Variants in DMD observed in about 807,000 individuals in gnomAD.
DMD encodes the protein mutant dystrophin.
Under a neutral mutation model 330.1 loss-of-function variants are expected in DMD, and 63 were observed. The observed-to-expected ratio is 0.19, with a 90% confidence interval of 0.16 to 0.24. DMD has a LOEUF of 0.24. DMD is among the 10% of genes least tolerant of loss of function. The pLI is 1.00. For missense variants in DMD, 3,344 were observed against 2,684.1 expected, an observed-to-expected ratio of 1.25 and a Z score of -5.43; for synonymous variants, 1,223 against 959.8, an observed-to-expected ratio of 1.27 and a Z score of -5.07.
chrX:32,910,059 C>A (rs1371289305), intron 2 of DMD, among the ~76,000 whole-genome samples: 1 of 111,587 alleles, frequency 9.0e-6, no homozygotes, highest in Non-Finnish European at 1.9e-5. Context: ...TAATCTATTT[C>A]TAAAATTTCT....
At chrX:32,722,044 C>A (rs1211308735) in intron 7 of DMD, among the ~76,000 whole-genome samples, 1 of 109,957 alleles carries the variant, frequency 9.1e-6, no homozygotes, top group African/African-American at 3.3e-5. Flanking sequence ...TTACAATACT[C>A]TTTTTAATAC....
chrX:31,161,883 A>G (rs992495813), intron 74 of DMD, among the ~76,000 whole-genome samples: 1 of 110,641 alleles, frequency 9.0e-6, no homozygotes, highest in African/African-American at 3.3e-5. Flanking sequence ...GTCCCCACCT[A>G]CCATCCCACT....
intron 7 of DMD, among the ~76,000 whole-genome samples, chrX:32,740,231 C>G (rs1013235088): frequency 9.1e-6 from 1 of 110,489 alleles, no homozygotes; most frequent in African/African-American, 3.3e-5. Flanking sequence ...GCCTACCAAT[C>G]TATAGTGACA....
chrX:32,867,153 G>A (rs907289575), intron 2 of DMD, among the ~76,000 whole-genome samples: 36 of 94,318 alleles, frequency 3.8e-4, no homozygotes, highest in East Asian at 3.3e-4. Context: ...TTCATTTGAC[G>A]TTCAATTGGA....
At chrX:32,279,634 G>C (rs1323591240) in intron 43 of DMD, among the ~76,000 whole-genome samples, 2 of 102,933 alleles carry the variant, frequency 1.9e-5, no homozygotes, top group African/African-American at 7.0e-5. Flanking sequence ...CTTGGAGATA[G>C]AGGGTGGAAG....
At chrX:32,720,129 C>T (rs184483326) in intron 7 of DMD, among the ~76,000 whole-genome samples, 36 of 111,585 alleles carry the variant, frequency 3.2e-4, no homozygotes, top group Non-Finnish European at 6.0e-4. Context: ...ACTCAACACT[C>T]GTAACACCTA....
intron 44 of DMD, among the ~76,000 whole-genome samples, chrX:32,157,585 A>C (rs896322949): frequency 1.7e-4 from 19 of 112,306 alleles, no homozygotes; most frequent in African/African-American, 5.5e-4. Flanking sequence ...GTAATTCTGG[A>C]ACTAGTTATC....
chrX:31,642,337 A>T (rs1244851953), intron 54 of DMD, among the ~76,000 whole-genome samples: 1 of 112,170 alleles, frequency 8.9e-6, no homozygotes, highest in Non-Finnish European at 1.9e-5. Flanking sequence ...TCATAAGGAA[A>T]CTGAAATAGA....
chrX:32,525,461 C>T (rs745365374), intron 17 of DMD, among the ~76,000 whole-genome samples: 1 of 111,708 alleles, frequency 9.0e-6, no homozygotes, highest in South Asian at 3.8e-4. Context: ...CAATGGCCTA[C>T]ATCCAACGCT....
chrX:31,769,060 G>A (rs1461358848), intron 51 of DMD, among the ~76,000 whole-genome samples: 1 of 111,783 alleles, frequency 8.9e-6, no homozygotes, highest in East Asian at 2.8e-4. Context: ...CTTTAATCAA[G>A]CAATACATAC....
intron 43 of DMD, among the ~76,000 whole-genome samples, chrX:32,285,675 G>A (rs997089587): frequency 6.5e-5 from 7 of 108,274 alleles, no homozygotes; most frequent in African/African-American, 2.3e-4. Context: ...TATTTTCAAG[G>A]AAGTTGAGAT....
At chrX:32,573,115 C>A (rs963235678) in intron 15 of DMD, among the ~76,000 whole-genome samples, 1 of 111,058 alleles carries the variant, frequency 9.0e-6, no homozygotes, top group Non-Finnish European at 1.9e-5. Flanking sequence ...GTCTCAGGTA[C>A]CCCTTTATAA....
rs368098624 is a variant in DMD at position 31,444,518 on chromosome X, G to C, written c.9047C>G (p.Thr3016Ser). The change falls in exon 60 of 79, where the codon ACT becomes AGT. Residue 3016 changes from threonine (T) to serine (S), a missense_variant. Physicochemically the swap from Thr to Ser is moderately conservative, Grantham distance 58 (BLOSUM62 1). Coordinates refer to ENST00000357033, the MANE Select transcript of DMD (RefSeq NM_004006.3). ...CCATCTGGTGTTCAGGTCTTCCAGAGTGCTGAGGTTATACGGTGAGAGCTG... is the reference window on the plus strand; with the variant it reads ...CCATCTGGTGTTCAGGTCTTCCAGACTGCTGAGGTTATACGGTGAGAGCTG... ...GIQLSPYNLS[T>S]LEDLNTRWKL... The C allele has an allele frequency of 8.3e-7, 1 of 1,211,895 alleles. No homozygotes were observed. The highest frequency in any genetic ancestry group is 3.0e-5 in the East Asian group (1 of 33,846).
At chrX:31,651,176 C>G (rs1019092409) in intron 54 of DMD, among the ~76,000 whole-genome samples, 1 of 111,735 alleles carries the variant, frequency 8.9e-6, no homozygotes, top group Non-Finnish European at 1.9e-5. Flanking sequence ...AATTACACTA[C>G]ACTGAAAACA....
chrX:32,263,780 T>C (rs955157769), intron 43 of DMD, among the ~76,000 whole-genome samples: 2 of 111,686 alleles, frequency 1.8e-5, no homozygotes, highest in African/African-American at 3.3e-5. Flanking sequence ...CATCTAATTA[T>C]AGACACATTA....
chrX:32,266,333 C>T (rs1603629603), intron 43 of DMD, among the ~76,000 whole-genome samples: 1 of 111,717 alleles, frequency 9.0e-6, no homozygotes, highest in Admixed American at 9.5e-5. Flanking sequence ...AACTGTGAGT[C>T]AATTAAACCT....
At chrX:33,334,881 C>A (rs185390037) in intron 1 of DMD, among the ~76,000 whole-genome samples, 2 of 111,285 alleles carry the variant, frequency 1.8e-5, no homozygotes, top group African/African-American at 6.5e-5. Flanking sequence ...TGCAGAAACT[C>A]CATTCTTAGC....
chrX:32,401,745 A>T (rs2098087386), intron 30 of DMD, among the ~76,000 whole-genome samples: 1 of 112,703 alleles, frequency 8.9e-6, no homozygotes. Context: ...CAAAGGATAG[A>T]TGCTTAAGGT....
At chrX:32,094,767 T>A (rs1245337368) in intron 44 of DMD, among the ~76,000 whole-genome samples, 7 of 111,322 alleles carry the variant, frequency 6.3e-5, no homozygotes, top group Admixed American at 3.8e-4. Flanking sequence ...GAAATGGTGT[T>A]CATTTTCAAG....
Sources: allele counts gnomAD v4.1 joint callset (sites outside exome capture counted in the v4.1 genomes callset), GRCh38; gene constraint gnomAD v4.1.1; transcripts MANE v1.5; gene names NCBI Gene and HGNC (gene_info 2026-07-23, HGNC 2026-07-21).